TTC7B: variants seen among roughly 807,000 people sequenced by gnomAD.
TTC7B encodes the protein tetratricopeptide repeat domain 7B.
A neutral mutation model predicts 106.8 loss-of-function variants in TTC7B; 28 were observed. The observed-to-expected ratio is 0.26, with a 90% CI of 0.19 to 0.36. The LOEUF is 0.36. TTC7B is among the 10% of genes least tolerant of loss of function. The pLI is 1.00. For missense variants in TTC7B, 862 were observed against 1,076.4 expected, an observed-to-expected ratio of 0.80 and a Z score of 2.79; for synonymous variants, 405 against 430.6, an observed-to-expected ratio of 0.94 and a Z score of 0.74.
chr14:90,760,677 G>A (rs72695511), intron 3 of TTC7B, among the ~76,000 whole-genome samples: 3 of 152,128 alleles, frequency 2.0e-5, no homozygotes, highest in East Asian at 1.9e-4. Flanking sequence ...AGAGCCCTGG[G>A]GGGCATTGTG....
chr14:90,767,882 A>T (rs1046265594), intron 3 of TTC7B, among the ~76,000 whole-genome samples: 5 of 152,312 alleles, frequency 3.3e-5, no homozygotes, highest in Non-Finnish European at 1.5e-5. Context: ...AAACTTTTGA[A>T]ATTTGGTGAA....
In TTC7B at chr14:90,689,686, G is replaced by A; in HGVS notation, c.804C>T (p.Ile268=). 6.2e-7 allele frequency: 1 copy of A among 1,614,098 alleles called. No homozygotes were observed. The highest frequency in any genetic ancestry group is 1.1e-5 in the South Asian group (1 of 91,056). The change falls in exon 7 of 20, where the codon ATC becomes ATT. Residue 268 remains isoleucine (I), a synonymous_variant. Coordinates refer to ENST00000328459, the MANE Select transcript of TTC7B (RefSeq NM_001010854.2). The stretch of plus-strand genomic sequence containing the variant: ...TCTGCTCACACATACCCCGCAACAA[G>A]ATCTCTGCCAGCTGCCTGGCTATTG... ...RMTIARQLAE[I]LLRGMCEQSY...
At chr14:90,606,702 A>G (rs1249932116) in intron 17 of TTC7B, among the ~76,000 whole-genome samples, 1 of 152,150 alleles carries the variant, frequency 6.6e-6, no homozygotes, top group Non-Finnish European at 1.5e-5. Flanking sequence ...GTCATGTTCT[A>G]TAAGGGGGGC....
Position 90,816,197 on chromosome 14 carries a change from C to G in TTC7B, c.99G>C (p.Leu33=). The G allele has an allele frequency of 7.9e-7, 1 of 1,268,088 alleles. No homozygotes were observed. Among genetic ancestry groups the G allele is most frequent in the Non-Finnish European group, 1.0e-6 (1 of 974,374 alleles). The allele number at this position is 1,268,088 out of a possible 1,614,324, so 78.6% of individuals were successfully genotyped here. A position where few individuals can be genotyped will look rare whatever the true frequency, so the allele number is the denominator to read the frequency against. Residue 33 remains leucine, a synonymous_variant, in exon 1 of 20, where the codon CTG becomes CTC. Transcript: ENST00000328459. ...TACCGTTGGCGATGAGCTTGGCCGA[C>G]AGCTGCTTGACGAGCTCAGGGATCC... is the stretch of plus-strand genomic sequence containing the variant. ...WERIPELVKQ[L]SAKLIANDDM...
chr14:90,557,541 T>C (rs1019975047), intron 19 of TTC7B, among the ~76,000 whole-genome samples: 2 of 152,238 alleles, frequency 1.3e-5, no homozygotes, highest in African/African-American at 4.8e-5. Flanking sequence ...CTTCTAGGAC[T>C]TGAGTGGCAG....
intron 15 of TTC7B, among the ~76,000 whole-genome samples, chr14:90,621,887 G>A (rs1463687793): frequency 1.3e-5 from 2 of 152,126 alleles, no homozygotes; most frequent in African/African-American, 4.8e-5. Context: ...CATTAGCACA[G>A]AAACGAAGAG....
In TTC7B at chr14:90,537,371, G is replaced by A. The variant is rs1247401211; in HGVS notation, c.*3997C>T. On this transcript the variant is annotated 3_prime_UTR_variant, in exon 20 of 20. Transcript: ENST00000328459. Reference sequence around the variant, plus strand: ...CTGGCTATTTTTTTTTTTTTGTAGAGATGGGGGGGGGGTCTCACCATGTTG... The same window carrying A: ...CTGGCTATTTTTTTTTTTTTGTAGAAATGGGGGGGGGGTCTCACCATGTTG... 4.4e-5 allele frequency: 2 copies of A among 44,956 alleles called. No individual in the cohort carries two copies. Among genetic ancestry groups the A allele is most frequent in the Non-Finnish European group, 9.8e-5 (2 of 20,364 alleles). The allele number at this position is 44,956 out of a possible 1,614,324, so 2.8% of individuals were successfully genotyped here. A position where few individuals can be genotyped will look rare whatever the true frequency, so the allele number is the denominator to read the frequency against.
chr14:90,624,443 C>T lies in TTC7B; in HGVS notation c.1752-6398G>A, dbSNP rs1884350348. Reference sequence around the variant, plus strand: ...GCCATGCTCGGTGTCTCATGCCATTCCCCAGGAAGACTTCGCTGACTCGCT... The same window carrying T: ...GCCATGCTCGGTGTCTCATGCCATTTCCCAGGAAGACTTCGCTGACTCGCT... On this transcript the variant is annotated intron_variant, in intron 15 of 19. Transcript: ENST00000328459. The surrounding 1 kb of genome is among the most constrained non-coding windows in gnomAD (Gnocchi z 4.0). Among the ~76,000 whole-genome samples the T allele has an allele frequency of 6.6e-6, 1 of 152,102 alleles. No individual in the cohort carries two copies. The highest frequency in any genetic ancestry group is 2.4e-5 in the African/African-American group (1 of 41,422).
chr14:90,625,055 T>C (rs2139857736), intron 15 of TTC7B, among the ~76,000 whole-genome samples: 1 of 152,294 alleles, frequency 6.6e-6, no homozygotes, highest in South Asian at 2.1e-4. Flanking sequence ...TGAGGCTGGC[T>C]GTCAAATATC....
intron 3 of TTC7B, among the ~76,000 whole-genome samples, chr14:90,768,025 A>G (rs1328218209): frequency 1.3e-5 from 2 of 152,174 alleles, no homozygotes; most frequent in African/African-American, 4.8e-5. Context: ...TTATAGTAAA[A>G]CTTTTGAAGG....
intron 17 of TTC7B, among the ~76,000 whole-genome samples, chr14:90,594,178 A>G (rs1595188449): frequency 6.6e-6 from 1 of 152,336 alleles, no homozygotes; most frequent in East Asian, 1.9e-4. Flanking sequence ...AAAACTGCAG[A>G]AAAAAGCACA....
chr14:90,767,120 G>A lies in TTC7B; in HGVS notation c.445+13618C>T. ...TGTAACTGCAGCACTTTGGGAGGCTGAGGCAGGAGCATCGCTTGAGCCCAG... is the reference window on the plus strand; with the variant it reads ...TGTAACTGCAGCACTTTGGGAGGCTAAGGCAGGAGCATCGCTTGAGCCCAG... On this transcript the variant is annotated intron_variant, in intron 3 of 19. Transcript: ENST00000328459. The A allele has an allele frequency of 1.0e-5, 6 of 598,244 alleles. No homozygotes were observed. In the South Asian group the frequency reaches 1.3e-4, roughly 13 times the overall value. The allele number at this position is 598,244 out of a possible 1,614,324, so 37.1% of individuals were successfully genotyped here.
At chr14:90,664,075 G>C (rs1296291147) in intron 9 of TTC7B, among the ~76,000 whole-genome samples, 1 of 152,078 alleles carries the variant, frequency 6.6e-6, no homozygotes, top group Non-Finnish European at 1.5e-5. Flanking sequence ...TGGTAAAAAG[G>C]AATGTGGGTT....
chr14:90,611,246 C>T (rs141573418), intron 16 of TTC7B, among the ~76,000 whole-genome samples: 58 of 152,290 alleles, frequency 3.8e-4, no homozygotes, highest in African/African-American at 1.3e-3. Flanking sequence ...TGAACCAATG[C>T]TCCACACCTG....
At chr14:90,733,665 C>A (rs1243297523) in intron 4 of TTC7B, among the ~76,000 whole-genome samples, 1 of 152,214 alleles carries the variant, frequency 6.6e-6, no homozygotes, top group Non-Finnish European at 1.5e-5. Context: ...ACAAGCGCAG[C>A]TGGCTCTGGC....
intron 7 of TTC7B, among the ~76,000 whole-genome samples, chr14:90,687,289 C>T (rs1431376820): frequency 5.3e-5 from 8 of 152,204 alleles, no homozygotes; most frequent in East Asian, 3.8e-4. Flanking sequence ...AGTGCTACTA[C>T]GGGAATGCTC....
intron 18 of TTC7B, among the ~76,000 whole-genome samples, chr14:90,582,205 CTT>C (rs1224486533): frequency 6.6e-6 from 1 of 152,242 alleles, no homozygotes; most frequent in Non-Finnish European, 1.5e-5. Context: ...GTGGCTCCCT[CTT>C]GTTTGCCCCC....
chr14:90,655,176 C>T lies in TTC7B; in HGVS notation c.1342-66G>A, dbSNP rs372946816. 4.5e-5 allele frequency: 54 copies of T among 1,201,924 alleles called. No individual in the cohort carries two copies. In the East Asian group the frequency reaches 6.5e-4, roughly 15 times the overall value. 74.5% of individuals were successfully genotyped at this position (1,201,924 alleles called of 1,614,324 possible). A position where few individuals can be genotyped will look rare whatever the true frequency, so the allele number is the denominator to read the frequency against. ...AATTTCTAACATGAGTTCCCATAAG[C>T]GTCTGCTGCCAAAATTGGATTTCTG... is the stretch of plus-strand genomic sequence containing the variant. On this transcript the variant is annotated intron_variant, in intron 11 of 19. Transcript: ENST00000328459.
intron 3 of TTC7B, among the ~76,000 whole-genome samples, chr14:90,756,266 G>T (rs1317985108): frequency 6.6e-6 from 1 of 152,140 alleles, no homozygotes; most frequent in Non-Finnish European, 1.5e-5. Flanking sequence ...AGCACTCTGG[G>T]CTAGGGGTGG....
Sources: allele counts gnomAD v4.1 joint callset (sites outside exome capture counted in the v4.1 genomes callset), GRCh38; gene constraint gnomAD v4.1.1; non-coding constraint Gnocchi (gnomAD v3.1); transcripts MANE v1.5; gene names NCBI Gene and HGNC (gene_info 2026-07-23, HGNC 2026-07-21).